The following RYR3 variants were observed in gnomAD, a reference collection of about 807,000 sequenced individuals.
RYR3 encodes brain ryanodine receptor-calcium release channel.
RYR3 carries 207 observed loss-of-function variants against 584.3 expected under a neutral mutation model. The ratio of observed to expected loss-of-function variants is 0.35; its 90% CI spans 0.32 to 0.40. The LOEUF is 0.40. Ranked by LOEUF, RYR3 falls within the 10% of genes least tolerant of loss-of-function variation. The pLI, the probability that RYR3 is intolerant of heterozygous loss-of-function variation, is 1.00. For synonymous variants in RYR3, 2,416 were observed against 2,248.5 expected (o/e 1.07, Z -2.11); for missense variants, 5,616 against 6,089.2 (o/e 0.92, Z 2.59).
At chr15:33,631,675 A>C (rs1181800308) in intron 23 of RYR3, among the ~76,000 whole-genome samples, 1 of 152,172 alleles carries the variant, frequency 6.6e-6, no homozygotes, top group Non-Finnish European at 1.5e-5. Context: ...TGGAAGGGGT[A>C]TCTCTGCCAC....
intron 1 of RYR3, among the ~76,000 whole-genome samples, chr15:33,463,067 G>A (rs917233687): frequency 1.9e-4 from 29 of 152,006 alleles, no homozygotes; most frequent in Admixed American, 1.4e-3. Context: ...CTCAGCAGGC[G>A]GTGGGAGGAT....
At chr15:33,606,506 T>C (rs2059913066) in intron 18 of RYR3, among the ~76,000 whole-genome samples, 1 of 152,186 alleles carries the variant, frequency 6.6e-6, no homozygotes. Flanking sequence ...TTTCTCTGTG[T>C]AGGGGAGAAG....
chr15:33,472,909 C>A (rs551289167), intron 1 of RYR3, among the ~76,000 whole-genome samples: 1 of 152,132 alleles, frequency 6.6e-6, no homozygotes, highest in Admixed American at 6.5e-5. Context: ...CCATCTCTGG[C>A]AAATATGCGG....
chr15:33,728,731 T>C, intron 46 of RYR3, 126 bp from the exon 47 acceptor site: 1 of 837,860 alleles, frequency 1.2e-6, no homozygotes, highest in South Asian at 3.3e-5. Context: ...AGATGCTCAA[T>C]CTGTATTTTT....
chr15:33,827,085 G>T, intron 84 of RYR3, 114 bp from the exon 85 acceptor site: 1 of 894,874 alleles, frequency 1.1e-6, no homozygotes, highest in Admixed American at 2.1e-5. Flanking sequence ...CCCAAACATG[G>T]TATTCTTGTA....
intron 32 of RYR3, among the ~76,000 whole-genome samples, chr15:33,657,493 C>T (rs926425246): frequency 7.9e-5 from 12 of 152,196 alleles, no homozygotes; most frequent in African/African-American, 2.9e-4. Context: ...CTAGATGTCA[C>T]ATATTGGGCA....
chr15:33,781,843 T>C lies in RYR3; in HGVS notation c.9268+1502T>C, dbSNP rs1185744640. On this transcript the variant is annotated intron_variant, in intron 65 of 103. Coordinates refer to ENST00000634891, the MANE Select transcript of RYR3 (RefSeq NM_001036.6). The stretch of plus-strand genomic sequence containing the variant: ...TCTCACCCTTTCTTCCCTTTGAAAT[T>C]AGCAAAAAAAAAAAAAGGGGGGGGG... Among the ~76,000 whole-genome samples the C allele has an allele frequency of 7.9e-4, 80 of 101,660 alleles. 1 individual carries two copies. The highest frequency in any genetic ancestry group is 2.7e-3 in the African/African-American group (74 of 26,982). 66.7% of individuals were successfully genotyped at this position (101,660 alleles called of 152,430 possible).
rs145882785 is a variant in RYR3 at position 33,611,295 on chromosome 15, G to A, written c.2165-1888G>A. The stretch of plus-strand genomic sequence containing the variant: ...TGTGGGGCTGGGCGCGGTGGCTCAC[G>A]CCTGTAATCCTAGCACTTTGGGAAG... On this transcript the variant is annotated intron_variant, in intron 18 of 103. Transcript: ENST00000634891. Among the ~76,000 whole-genome samples the A allele has an allele frequency of 8.1e-3, 1,240 of 152,156 alleles. 8 individuals carry two copies. Among genetic ancestry groups the A allele is most frequent in the Non-Finnish European group, 0.013 (860 of 67,992 alleles).
chr15:33,497,664 TC>T (rs537187785), intron 2 of RYR3, among the ~76,000 whole-genome samples: 123 of 152,306 alleles, frequency 8.1e-4, no homozygotes, highest in African/African-American at 2.6e-3. Context: ...TATGTAAGGA[TC>T]AAATCAGGCT....
intron 24 of RYR3, among the ~76,000 whole-genome samples, chr15:33,633,571 T>A (rs1416999550): frequency 1.3e-5 from 2 of 152,102 alleles, no homozygotes; most frequent in Admixed American, 6.5e-5. Context: ...TCACCAATGG[T>A]AGGGTTAGTA....
chr15:33,393,731 G>A (rs1481134713), intron 1 of RYR3, among the ~76,000 whole-genome samples: 2 of 152,192 alleles, frequency 1.3e-5, no homozygotes, highest in Admixed American at 1.3e-4. Flanking sequence ...ATTGGATGCT[G>A]GCGCAGGATG....
At chr15:33,596,661 TTGTG>T (rs1467497024) in intron 16 of RYR3, among the ~76,000 whole-genome samples, 5 of 152,192 alleles carry the variant, frequency 3.3e-5, no homozygotes, top group South Asian at 2.1e-4. Context: ...TATCATTTCT[TTGTG>T]TGGGGAATAG....
rs1313607569 is a variant in RYR3 at position 33,838,788 on chromosome 15, G to T, written c.12808G>T (p.Gly4270Trp). 5 of 1,613,884 alleles carry T rather than the reference G, an allele frequency of 3.1e-6. No individual in the cohort carries two copies. The Admixed American group carries it at 6.7e-5, about 22-fold the overall frequency. Reference sequence around the variant, plus strand: ...CACTGAACTAGTACACTTCATAAAGGGGGAGAAGGGAGATACAGATATCAT... The same window carrying T: ...CACTGAACTAGTACACTTCATAAAGTGGGAGAAGGGAGATACAGATATCAT... ...ITTELVHFIK[G>W]EKGDTDIMSD... The change falls in exon 89 of 104, where the codon GGG becomes TGG. Residue 4270 changes from glycine (G) to tryptophan (W), a missense_variant. Gly to Trp is a radical substitution (Grantham distance 184). Transcript: ENST00000634891.
At chr15:33,427,360 GCTT>G (rs2044737211) in intron 1 of RYR3, among the ~76,000 whole-genome samples, 1 of 152,186 alleles carries the variant, frequency 6.6e-6, no homozygotes, top group African/African-American at 2.4e-5. Flanking sequence ...TATAGTCCCA[GCTT>G]CTTGGGAGGC....
intron 1 of RYR3, among the ~76,000 whole-genome samples, chr15:33,442,859 A>C (rs1412122430): frequency 6.6e-6 from 1 of 152,244 alleles, no homozygotes; most frequent in Non-Finnish European, 1.5e-5. Context: ...AAGGGGCTAT[A>C]ACAAAAGCAT....
intron 2 of RYR3, among the ~76,000 whole-genome samples, chr15:33,484,994 T>C (rs1403691978): frequency 6.6e-6 from 1 of 152,056 alleles, no homozygotes; most frequent in Non-Finnish European, 1.5e-5. Flanking sequence ...AAAATGTTTA[T>C]TAAAAAGAGA....
At chr15:33,318,996 G>A (rs1968581177) in intron 1 of RYR3, among the ~76,000 whole-genome samples, 1 of 152,186 alleles carries the variant, frequency 6.6e-6, no homozygotes, top group Admixed American at 6.5e-5. Context: ...AAAGTGCTAA[G>A]GGGAGCTGCT....
At chr15:33,623,762 T>TG (rs1800505286) in intron 19 of RYR3, 45 bp from the exon 20 acceptor site, 1 of 1,244,796 alleles carries the variant, frequency 8.0e-7, no homozygotes, top group African/African-American at 1.6e-5. Flanking sequence ...TGGGCTGCAT[T>TG]GTTTTTTTTT....
intron 65 of RYR3, among the ~76,000 whole-genome samples, chr15:33,781,222 T>C (rs1010702454): frequency 8.5e-5 from 13 of 152,138 alleles, no homozygotes; most frequent in African/African-American, 2.9e-4. Context: ...ATAGAGGAGC[T>C]TCAAGTAGGA....
Sources: allele counts gnomAD v4.1 joint callset (sites outside exome capture counted in the v4.1 genomes callset), GRCh38; gene constraint gnomAD v4.1.1; transcripts MANE v1.5; gene names NCBI Gene and HGNC (gene_info 2026-07-23, HGNC 2026-07-21).